SHISA6: variants seen among roughly 807,000 people sequenced by gnomAD.
SHISA6 encodes the protein shisa family member 6, also known as protein shisa-6.
A neutral mutation model predicts 47.9 loss-of-function variants in SHISA6; 22 were observed. That is an observed-to-expected ratio of 0.46 (90% CI 0.33 to 0.66). The LOEUF is 0.66. Ranked by LOEUF, SHISA6 falls within the 30% of genes least tolerant of loss-of-function variation. The pLI, the probability that SHISA6 is intolerant of heterozygous loss-of-function variation, is 0.02. For missense variants in SHISA6, 680 were observed against 764.6 expected (o/e 0.89, Z 1.30); for synonymous variants, 388 against 337.8 (o/e 1.15, Z -1.63).
intron 3 of SHISA6, among the ~76,000 whole-genome samples, chr17:11,457,912 C>T (rs1915586926): frequency 6.6e-6 from 1 of 151,758 alleles, no homozygotes; most frequent in Admixed American, 6.6e-5. Flanking sequence ...GGTAAAACCC[C>T]GTATCTACTA....
At chr17:11,394,118 T>C (rs1319742842) in intron 3 of SHISA6, among the ~76,000 whole-genome samples, 4 of 152,208 alleles carry the variant, frequency 2.6e-5, no homozygotes, top group African/African-American at 4.8e-5. Flanking sequence ...GCAAGGACCA[T>C]ATCTGGAGTG....
chr17:11,557,987 C>T lies in SHISA6; in HGVS notation c.1339C>T (p.Leu447Phe). 11 of 1,551,508 alleles carry T rather than the reference C, an allele frequency of 7.1e-6. No homozygotes were observed. Among genetic ancestry groups the T allele is most frequent in the Non-Finnish European group, 9.6e-6 (11 of 1,146,922 alleles). Reference protein sequence around the residue: ...YDRILSDEQLLSTERLHSQDP... With the variant: ...YDRILSDEQLFSTERLHSQDP... ...CCGCATCCTGTCCGACGAGCAGCTG[C>T]TCTCCACGGAGCGCCTGCACTCCCA... The change falls in exon 6 of 6, where the codon CTC (leucine) becomes TTC (phenylalanine). Residue 447 changes from leucine (L) to phenylalanine (F), a missense_variant. Leu to Phe is a conservative substitution (Grantham distance 22). Around this residue, in one of 2 missense-constraint regions of SHISA6, gnomAD observed 559 missense variants for 674.1 expected, o/e 0.83. Coordinates refer to ENST00000441885, the MANE Select transcript of SHISA6 (RefSeq NM_207386.4).
chr17:11,551,224 T>G (rs1329932267), intron 3 of SHISA6, among the ~76,000 whole-genome samples: 3 of 152,204 alleles, frequency 2.0e-5, no homozygotes, highest in Non-Finnish European at 1.5e-5. Flanking sequence ...GCCTTGAACT[T>G]CAGGGTTTGG....
At chr17:11,503,996 A>G (rs1228329361) in intron 3 of SHISA6, among the ~76,000 whole-genome samples, 1 of 152,236 alleles carries the variant, frequency 6.6e-6, no homozygotes, top group East Asian at 1.9e-4. Flanking sequence ...AAATAACACA[A>G]TGCCTTCTGG....
At chr17:11,398,845 C>A (rs867013625) in intron 3 of SHISA6, among the ~76,000 whole-genome samples, 15 of 152,100 alleles carry the variant, frequency 9.9e-5, no homozygotes, top group African/African-American at 3.6e-4. Flanking sequence ...CCTGCTTTGG[C>A]CTCCCAAAGT....
chr17:11,252,258 G>A (rs868098883), intron 1 of SHISA6, among the ~76,000 whole-genome samples: 7 of 152,268 alleles, frequency 4.6e-5, no homozygotes, highest in Middle Eastern at 3.4e-3. Context: ...TGCAGTCTTC[G>A]CAAACACTCT....
rs2072046516 is a variant in SHISA6, at chr17:11,561,842, T to A, written c.*3538T>A. 6.6e-6 allele frequency: 1 copy of A among 152,172 alleles called. No homozygotes were observed. Among genetic ancestry groups the A allele is most frequent in the Non-Finnish European group, 1.5e-5 (1 of 68,054 alleles). 9.4% of individuals were successfully genotyped at this position (152,172 alleles called of 1,614,324 possible). ...ACATTCTTTCGGTCTTCTGTTTGCC[T>A]CACTGGTGTATCCTTCATCTCCTGC... On this transcript the variant is annotated 3_prime_UTR_variant, in exon 6 of 6. Transcript: ENST00000441885.
intron 3 of SHISA6, among the ~76,000 whole-genome samples, chr17:11,540,914 G>A (rs2071828027): frequency 6.6e-6 from 1 of 152,176 alleles, no homozygotes. Flanking sequence ...AACCTTCTTG[G>A]AGTGTCTTCT....
At chr17:11,419,178 G>C (rs546017073) in intron 3 of SHISA6, among the ~76,000 whole-genome samples, 24 of 151,780 alleles carry the variant, frequency 1.6e-4, no homozygotes, top group African/African-American at 5.6e-4. Context: ...TAACAAACCT[G>C]CATGTTGTGC....
chr17:11,355,885 A>T (rs779256750), intron 2 of SHISA6, among the ~76,000 whole-genome samples: 1 of 152,230 alleles, frequency 6.6e-6, no homozygotes, highest in Admixed American at 6.5e-5. Flanking sequence ...ACACCCTGCC[A>T]TTTGCACTTA....
At chr17:11,304,408 C>T (rs145075492) in intron 2 of SHISA6, among the ~76,000 whole-genome samples, 18 of 151,872 alleles carry the variant, frequency 1.2e-4, no homozygotes, top group Admixed American at 5.2e-4. Flanking sequence ...CAAAAGATGA[C>T]GGCCCCTGCT....
intron 2 of SHISA6, among the ~76,000 whole-genome samples, chr17:11,267,882 T>G (rs938274078): frequency 1.3e-5 from 2 of 152,054 alleles, no homozygotes; most frequent in African/African-American, 2.4e-5. Context: ...ATAAAAAGAT[T>G]GTTTAGGGGA....
intron 1 of SHISA6, among the ~76,000 whole-genome samples, chr17:11,253,447 A>C (rs1302636367): frequency 1.3e-5 from 2 of 152,178 alleles, no homozygotes; most frequent in East Asian, 3.8e-4. Flanking sequence ...CTTAGTAGAC[A>C]GTTGGCATGT....
At chr17:11,310,151 C>T (rs1300506741) in intron 2 of SHISA6, among the ~76,000 whole-genome samples, 1 of 152,106 alleles carries the variant, frequency 6.6e-6, no homozygotes, top group Non-Finnish European at 1.5e-5. Context: ...GGACAGTCTC[C>T]ATTATACATG....
chr17:11,533,406 C>G (rs1478772677), intron 3 of SHISA6, among the ~76,000 whole-genome samples: 4 of 152,056 alleles, frequency 2.6e-5, no homozygotes, highest in Admixed American at 2.6e-4. Flanking sequence ...ATTCTACCGT[C>G]TCTCATCTGC....
chr17:11,498,224 A>C (rs2071423999), intron 3 of SHISA6, among the ~76,000 whole-genome samples: 1 of 152,174 alleles, frequency 6.6e-6, no homozygotes, highest in African/African-American at 2.4e-5. Context: ...AGTCCTTTGT[A>C]GAGTGTTCAC....
rs79897112 is a variant in SHISA6 at position 11,396,746 on chromosome 17, T to C, written c.895+17237T>C. Among the ~76,000 whole-genome samples, 416 of 151,372 alleles carry C rather than the reference T, an allele frequency of 2.7e-3. 2 individuals carry two copies. The highest frequency in any genetic ancestry group is 0.01 in the Middle Eastern group (3 of 292). Reference sequence around the variant, plus strand: ...ATCACACACCAGGGCCTGTTGGGGGTTGGGGGGCAAGGGAAGGGAGAGCAT... The same window carrying C: ...ATCACACACCAGGGCCTGTTGGGGGCTGGGGGGCAAGGGAAGGGAGAGCAT... On this transcript the variant is annotated intron_variant, in intron 3 of 5. Coordinates refer to ENST00000441885, the MANE Select transcript of SHISA6 (RefSeq NM_207386.4).
intron 3 of SHISA6, among the ~76,000 whole-genome samples, chr17:11,521,704 G>A (rs2071631276): frequency 6.6e-6 from 1 of 152,090 alleles, no homozygotes; most frequent in Non-Finnish European, 1.5e-5. Context: ...CCAGGAGGCT[G>A]AGATGAGAGG....
At chr17:11,269,732 G>A (rs188067339) in intron 2 of SHISA6, among the ~76,000 whole-genome samples, 2 of 152,218 alleles carry the variant, frequency 1.3e-5, no homozygotes, top group African/African-American at 4.8e-5. Flanking sequence ...ATAAGGTTTT[G>A]GAGCCCTATG....
Sources: gnomAD v4.1 joint callset for allele counts (sites outside exome capture counted in the v4.1 genomes callset) on GRCh38, gnomAD v4.1.1 for gene constraint, gnomAD v4.1.1 regional missense constraint, MANE v1.5 for transcripts, NCBI Gene and HGNC (gene_info 2026-07-23, HGNC 2026-07-21) for gene names.